Variants in DNM1 observed in about 807,000 individuals in gnomAD.
The protein encoded by DNM1 is dynamin-1.
In DNM1, 29 loss-of-function variants were observed where a neutral mutation model predicts 104.6. The observed-to-expected ratio is 0.28, with a 90% confidence interval of 0.21 to 0.38. The LOEUF (loss-of-function observed/expected upper bound fraction) is 0.38, where lower values mean the gene tolerates loss of function less well. Ranked by LOEUF, DNM1 falls within the 10% of genes least tolerant of loss-of-function variation. The pLI, the probability that DNM1 is intolerant of heterozygous loss-of-function variation, is 1.00. For synonymous variants in DNM1, 445 were observed against 475.8 expected, an observed-to-expected ratio of 0.94 and a Z score of 0.84; for missense variants, 640 against 1,189.4, an observed-to-expected ratio of 0.54 and a Z score of 6.79.
Position 128,240,143 on chromosome 9 carries a change from GC to G in DNM1, c.1557+149del. On this transcript the variant is annotated intron_variant, in intron 14 of 21. Coordinates refer to ENST00000372923, the MANE Select transcript of DNM1 (RefSeq NM_004408.4). The surrounding 1 kb of genome is among the most constrained non-coding windows in gnomAD (Gnocchi z 5.1). ...CCTGGCATTTCACACCTGCCCTCAG[GC>G]CAGAGGCAGGCCCAGCCGCATCCAC... The G allele has an allele frequency of 1.0e-6, 1 of 952,492 alleles. No homozygotes were observed. The highest frequency in any genetic ancestry group is 1.7e-6 in the Non-Finnish European group (1 of 601,938). 59.0% of individuals were successfully genotyped at this position (952,492 alleles called of 1,614,324 possible).
intron 11 of DNM1, among the ~76,000 whole-genome samples, chr9:128,238,594 G>T (rs1836158274): frequency 6.6e-6 from 1 of 151,142 alleles, no homozygotes. Flanking sequence ...CTTAGTGGAT[G>T]TATGCATTTC....
In DNM1 at chr9:128,220,742, C is replaced by CGCGCGTGTGT. The variant is rs61020870; in HGVS notation, c.849+402_849+403insCGCGTGTGTG. ...CAGAACTGAAGTGCGCGCGCGCGCG[C>CGCGCGTGTGT]GTGTGTGTGTGTGTGTGTGTGTGTG... On this transcript the variant is annotated intron_variant, in intron 6 of 21. Coordinates refer to ENST00000372923, the MANE Select transcript of DNM1 (RefSeq NM_004408.4). This position sits in a 1 kb window ranked among gnomAD's most constrained non-coding sequence, Gnocchi z 5.2. Among the ~76,000 whole-genome samples, 74 of 136,364 alleles carry CGCGCGTGTGT rather than the reference C, an allele frequency of 5.4e-4. No homozygotes were observed. Among genetic ancestry groups the CGCGCGTGTGT allele is most frequent in the African/African-American group, 1.7e-3 (66 of 37,810 alleles). 89.5% of individuals were successfully genotyped at this position (136,364 alleles called of 152,430 possible). A position where few individuals can be genotyped will look rare whatever the true frequency, so the allele number is the denominator to read the frequency against.
chr9:128,245,306 G>C lies in DNM1; in HGVS notation c.1672-1088G>C, dbSNP rs1439734122. ...GTGGGCGGGATGACGCCAGGACGGG[G>C]GAGCAAGGTCCCCCTAAACCCAGCC... On this transcript the variant is annotated intron_variant, in intron 15 of 21. Transcript: ENST00000372923. This position sits in a 1 kb window ranked among gnomAD's most constrained non-coding sequence, Gnocchi z 5.2. Among the ~76,000 whole-genome samples, 1 of 152,028 alleles carries C rather than the reference G, an allele frequency of 6.6e-6. No individual in the cohort carries two copies. Among genetic ancestry groups the C allele is most frequent in the African/African-American group, 2.4e-5 (1 of 41,390 alleles).
intron 1 of DNM1, among the ~76,000 whole-genome samples, chr9:128,209,223 C>A (rs1456095211): frequency 6.6e-6 from 1 of 152,212 alleles, no homozygotes; most frequent in East Asian, 1.9e-4. Context: ...ATGCACCCAT[C>A]CACAGCCAGA....
intron 11 of DNM1, among the ~76,000 whole-genome samples, chr9:128,236,695 TTAAAAAA>T (rs1481887543): frequency 6.6e-6 from 1 of 151,726 alleles, no homozygotes; most frequent in Non-Finnish European, 1.5e-5. Flanking sequence ...TACAAAAAAT[TTAAAAAA>T]CTAGCTAGGT....
At chr9:128,234,536 G>T (rs1369145948) in intron 11 of DNM1, among the ~76,000 whole-genome samples, 1 of 152,054 alleles carries the variant, frequency 6.6e-6, no homozygotes, top group Non-Finnish European at 1.5e-5. Context: ...ACCATGCCCG[G>T]GTAATTTTTG....
At chr9:128,223,855 T>A (rs1424347332) in intron 9 of DNM1, 3 of 156,406 alleles carry the variant, frequency 1.9e-5, no homozygotes, top group African/African-American at 7.2e-5. Flanking sequence ...GAGACCATCC[T>A]GGCTAACACG....
At chr9:128,249,991 T>C in intron 19 of DNM1, 124 bp from the exon 20 acceptor site, 1 of 1,404,284 alleles carries the variant, frequency 7.1e-7, no homozygotes, top group Non-Finnish European at 9.9e-7. Context: ...TCTTCCAGTC[T>C]ACGCAGTGTA....
Position 128,248,361 on chromosome 9 carries a change from G to C in DNM1, c.1906-222G>C. 1.8e-6 allele frequency: 1 copy of C among 542,564 alleles called. No homozygotes were observed. Among genetic ancestry groups the C allele is most frequent in the Middle Eastern group, 4.9e-4 (1 of 2,054 alleles). The allele number at this position is 542,564 out of a possible 1,614,324, so 33.6% of individuals were successfully genotyped here. On this transcript the variant is annotated intron_variant, in intron 18 of 21. Coordinates refer to ENST00000372923, the MANE Select transcript of DNM1 (RefSeq NM_004408.4). This position sits in a 1 kb window ranked among gnomAD's most constrained non-coding sequence, Gnocchi z 5.6. ...AATAATTTCTGGATTGGGAAATTGAGGCAAATTCTAGGCACTAGAGTCAGA... is the reference window on the plus strand; with the variant it reads ...AATAATTTCTGGATTGGGAAATTGACGCAAATTCTAGGCACTAGAGTCAGA...
chr9:128,250,830 C>T lies in DNM1; in HGVS notation c.2424C>T (p.Ala808=). Residue 808 remains alanine (A), a synonymous_variant, in exon 21 of 22, where the codon GCC becomes GCT. Transcript: ENST00000372923. ...CTGGGCCTCCGCCTGCTGGGTCCGC[C>T]CTGGGGGGGGCGCCCCCCGTGCCCT... is the stretch of plus-strand genomic sequence containing the variant. ...PAPGPPPAGS[A]LGGAPPVPSR... 1 of 1,313,036 alleles carries T rather than the reference C, an allele frequency of 7.6e-7. No homozygotes were observed. The highest frequency in any genetic ancestry group is 2.4e-5 in the South Asian group (1 of 41,586). 81.3% of individuals were successfully genotyped at this position (1,313,036 alleles called of 1,614,324 possible).
intron 11 of DNM1, 107 bp from the exon 12 acceptor site, chr9:128,239,338 T>C (rs1836214288): frequency 1.2e-6 from 1 of 802,228 alleles, no homozygotes; most frequent in Non-Finnish European, 2.1e-6. Flanking sequence ...TTATTATGGA[T>C]ACTAACCTCC....
At chr9:128,216,811 T>C (rs992474545) in intron 1 of DNM1, among the ~76,000 whole-genome samples, 1 of 152,236 alleles carries the variant, frequency 6.6e-6, no homozygotes, top group African/African-American at 2.4e-5. Context: ...GTTCCACCTC[T>C]GGCTCTGTAG....
intron 10 of DNM1, among the ~76,000 whole-genome samples, chr9:128,225,463 T>G (rs1835285668): frequency 1.3e-5 from 2 of 152,164 alleles, no homozygotes; most frequent in Non-Finnish European, 2.9e-5. Flanking sequence ...CCTGGAGTTG[T>G]GCAGTGCATG....
At chr9:128,221,395 T>C (rs1018002808) in intron 6 of DNM1, among the ~76,000 whole-genome samples, 2 of 152,162 alleles carry the variant, frequency 1.3e-5, no homozygotes, top group Non-Finnish European at 2.9e-5. Context: ...GCCTGGCCTC[T>C]GAGCCTCTAT....
Position 128,254,282 on chromosome 9 carries a change from G to A in DNM1, c.2535-372G>A. On this transcript the variant is annotated intron_variant, in intron 21 of 21. Coordinates refer to ENST00000372923, the MANE Select transcript of DNM1 (RefSeq NM_004408.4). The surrounding 1 kb of genome is among the most constrained non-coding windows in gnomAD (Gnocchi z 6.1). Reference sequence around the variant, plus strand: ...CATGGGGCTCCCCAAGGCAAGGGGTGGCCCCAGGCCAGTGGGTTGGAAGAC... The same window carrying A: ...CATGGGGCTCCCCAAGGCAAGGGGTAGCCCCAGGCCAGTGGGTTGGAAGAC... 5.1e-6 allele frequency: 7 copies of A among 1,384,896 alleles called. No individual in the cohort carries two copies. Among genetic ancestry groups the A allele is most frequent in the Non-Finnish European group, 6.5e-6 (7 of 1,079,452 alleles). The allele number at this position is 1,384,896 out of a possible 1,614,324, so 85.8% of individuals were successfully genotyped here.
In DNM1 at chr9:128,218,978, C is replaced by T; in HGVS notation, c.386-71C>T. On this transcript the variant is annotated intron_variant, in intron 3 of 21. Coordinates refer to ENST00000372923, the MANE Select transcript of DNM1 (RefSeq NM_004408.4). This position sits in a 1 kb window ranked among gnomAD's most constrained non-coding sequence, Gnocchi z 4.8. ...TGCTCCCAAGCAGCTTCTCTAACCC[C>T]GCCCTATTCTTTAACCTCGCCCGCG... is the stretch of plus-strand genomic sequence containing the variant. 3 of 1,556,424 alleles carry T rather than the reference C, an allele frequency of 1.9e-6. No individual in the cohort carries two copies. The South Asian group carries it at 3.4e-5, about 17-fold the overall frequency.
chr9:128,207,913 T>A (rs1022747787), intron 1 of DNM1, among the ~76,000 whole-genome samples: 2 of 151,550 alleles, frequency 1.3e-5, no homozygotes, highest in Non-Finnish European at 2.9e-5. Context: ...AGGGTAGGGG[T>A]CCTGAGGAGC....
intron 6 of DNM1, among the ~76,000 whole-genome samples, chr9:128,221,747 G>A (rs1231185739): frequency 2.6e-5 from 4 of 152,054 alleles, no homozygotes; most frequent in Admixed American, 6.6e-5. Context: ...CAAAAAATTA[G>A]CTGGGCATGG....
chr9:128,228,623 G>A (rs532744771), intron 10 of DNM1, among the ~76,000 whole-genome samples: 3 of 152,226 alleles, frequency 2.0e-5, no homozygotes, highest in African/African-American at 4.8e-5. Context: ...GGAAACAATC[G>A]CAGAGAAAGA....
Sources: gnomAD v4.1 joint callset for allele counts (sites outside exome capture counted in the v4.1 genomes callset) on GRCh38, gnomAD v4.1.1 for gene constraint, Gnocchi (gnomAD v3.1) non-coding constraint, MANE v1.5 for transcripts, NCBI Gene and HGNC (gene_info 2026-07-23, HGNC 2026-07-21) for gene names.